PTPRK: variants seen among roughly 807,000 people sequenced by gnomAD.
The protein encoded by PTPRK is receptor-type tyrosine-protein phosphatase kappa.
Under a neutral mutation model 178.0 loss-of-function variants are expected in PTPRK, and 75 were observed. The ratio of observed to expected loss-of-function variants is 0.42; its 90% CI spans 0.35 to 0.51. The LOEUF (loss-of-function observed/expected upper bound fraction) is 0.51, where lower values mean the gene tolerates loss of function less well. PTPRK is among the 20% of genes least tolerant of loss of function. PTPRK has a pLI of 0.02. For synonymous variants in PTPRK, 637 were observed against 620.6 expected (o/e 1.03, Z -0.39); for missense variants, 1,441 against 1,797.8 (o/e 0.80, Z 3.59).
At chr6:128,211,495 C>T (rs1226451318) in intron 6 of PTPRK, among the ~76,000 whole-genome samples, 1 of 152,112 alleles carries the variant, frequency 6.6e-6, no homozygotes, top group African/African-American at 2.4e-5. Context: ...CTATCATAAA[C>T]TTTGAACAAG....
intron 1 of PTPRK, among the ~76,000 whole-genome samples, chr6:128,493,080 C>T (rs554266101): frequency 6.6e-6 from 1 of 152,268 alleles, no homozygotes; most frequent in South Asian, 2.1e-4. Context: ...ACATGGTAGG[C>T]ACTCAACAAT....
chr6:128,384,524 T>C (rs886383686), intron 2 of PTPRK, among the ~76,000 whole-genome samples: 6 of 152,190 alleles, frequency 3.9e-5, no homozygotes, highest in African/African-American at 1.4e-4. Flanking sequence ...AGGCCACATG[T>C]GGCTGGTGGG....
intron 5 of PTPRK, among the ~76,000 whole-genome samples, chr6:128,227,317 A>T (rs142497933): frequency 1.3e-5 from 2 of 152,316 alleles, no homozygotes; most frequent in African/African-American, 4.8e-5. Flanking sequence ...AGACAAATGC[A>T]ATGAAACCAC....
At chr6:128,228,641 C>CAGAGTG (rs1422062560) in intron 5 of PTPRK, among the ~76,000 whole-genome samples, 1 of 132,700 alleles carries the variant, frequency 7.5e-6, no homozygotes, top group African/African-American at 2.9e-5. Context: ...GCTGGGGTGA[C>CAGAGTG]AGAGTGAGAC....
In PTPRK at chr6:127,982,908, C is replaced by T; in HGVS notation, c.3460G>A (p.Glu1154Lys). ...ATATCAAAATATGCAGCTTTAAATT[C>T]ACAGACAGGTATGGCAGTTTCTCCA... is the stretch of plus-strand genomic sequence containing the variant. Reference protein sequence around the residue: ...LCGETAIPVCEFKAAYFDMIR... With the variant: ...LCGETAIPVCKFKAAYFDMIR... The change falls in exon 24 of 30, where the codon GAA (glutamate) becomes AAA (lysine). Residue 1154 changes from glutamate (E) to lysine (K), a missense_variant. Physicochemically the swap from Glu to Lys is moderately conservative, Grantham distance 56 (BLOSUM62 1). Coordinates refer to ENST00000368226, the MANE Select transcript of PTPRK (RefSeq NM_002844.4). The T allele has an allele frequency of 6.2e-7, 1 of 1,612,432 alleles. No homozygotes were observed. Among genetic ancestry groups the T allele is most frequent in the Non-Finnish European group, 8.5e-7 (1 of 1,178,598 alleles).
intron 1 of PTPRK, among the ~76,000 whole-genome samples, chr6:128,502,341 C>T (rs1420899077): frequency 6.6e-6 from 1 of 152,124 alleles, no homozygotes; most frequent in Admixed American, 6.6e-5. Flanking sequence ...GGATTTATTC[C>T]TGAGATTAAG....
intron 1 of PTPRK, among the ~76,000 whole-genome samples, chr6:128,464,935 C>A (rs758919322): frequency 1.3e-5 from 2 of 150,798 alleles, no homozygotes; most frequent in Non-Finnish European, 3.0e-5. Flanking sequence ...AGATTAAAGA[C>A]AATTTGTTCT....
In PTPRK at chr6:128,272,295, T is replaced by C. The variant is rs151162190; in HGVS notation, c.496-29693A>G. ...GGCAATACCATTCAGGACACAGGCA[T>C]GGGCAAGGACCTCATGACTAAAACA... is the stretch of plus-strand genomic sequence containing the variant. On this transcript the variant is annotated intron_variant, in intron 3 of 29. Transcript: ENST00000368226. Among the ~76,000 whole-genome samples the C allele has an allele frequency of 6.3e-3, 956 of 152,230 alleles. 11 individuals are homozygous for C. Among genetic ancestry groups the C allele is most frequent in the African/African-American group, 0.022 (904 of 41,524 alleles).
At chr6:128,420,099 T>C (rs947026596) in intron 1 of PTPRK, among the ~76,000 whole-genome samples, 1 of 152,208 alleles carries the variant, frequency 6.6e-6, no homozygotes, top group African/African-American at 2.4e-5. Flanking sequence ...TCCAAACTTT[T>C]TTCGAGTGTA....
chr6:128,274,075 G>T (rs1820344878), intron 3 of PTPRK, among the ~76,000 whole-genome samples: 1 of 151,086 alleles, frequency 6.6e-6, no homozygotes, highest in South Asian at 2.1e-4. Flanking sequence ...GTTATGCAAG[G>T]TACAGATTTT....
At chr6:128,411,925 T>C (rs1257734160) in intron 1 of PTPRK, among the ~76,000 whole-genome samples, 1 of 152,218 alleles carries the variant, frequency 6.6e-6, no homozygotes, top group Non-Finnish European at 1.5e-5. Context: ...TTTTGAAAAT[T>C]TGCAGTCTCA....
intron 2 of PTPRK, among the ~76,000 whole-genome samples, chr6:128,337,418 G>A (rs2128328944): frequency 6.6e-6 from 1 of 152,276 alleles, no homozygotes; most frequent in Middle Eastern, 3.4e-3. Context: ...TACTGAATAT[G>A]TAAAGTGCTA....
At chr6:128,012,255 T>A (rs572491320) in intron 13 of PTPRK, among the ~76,000 whole-genome samples, 1 of 150,918 alleles carries the variant, frequency 6.6e-6, no homozygotes, top group South Asian at 2.1e-4. Flanking sequence ...GATATTTTAA[T>A]CACATGTATT....
At chr6:128,476,387 G>T (rs547063360) in intron 1 of PTPRK, among the ~76,000 whole-genome samples, 1 of 151,970 alleles carries the variant, frequency 6.6e-6, no homozygotes. Context: ...TTTATTTGTT[G>T]TTGGTTAAAT....
intron 1 of PTPRK, among the ~76,000 whole-genome samples, chr6:128,434,741 G>A (rs946888261): frequency 2.0e-5 from 3 of 152,210 alleles, no homozygotes; most frequent in Admixed American, 6.5e-5. Context: ...TTCAGGAAAG[G>A]AATTTAGCTG....
At chr6:128,093,800 C>T (rs6569524) in intron 7 of PTPRK, among the ~76,000 whole-genome samples, 151,871 of 151,910 alleles carry the variant, frequency 1, 75,916 homozygotes, top group Middle Eastern at 1. Context: ...CTAAGTATTC[C>T]AGAAGGTACT....
intron 7 of PTPRK, among the ~76,000 whole-genome samples, chr6:128,119,877 G>A (rs1264414053): frequency 1.3e-5 from 2 of 151,920 alleles, no homozygotes; most frequent in African/African-American, 4.8e-5. Context: ...TATATACCAG[G>A]CAATTATTTA....
At chr6:128,503,636 T>C (rs2128438816) in intron 1 of PTPRK, among the ~76,000 whole-genome samples, 1 of 152,284 alleles carries the variant, frequency 6.6e-6, no homozygotes. Context: ...GTCATACATA[T>C]TTTGTTAAAT....
At chr6:128,001,705 G>T (rs1227110632) in intron 15 of PTPRK, among the ~76,000 whole-genome samples, 6 of 151,868 alleles carry the variant, frequency 4.0e-5, no homozygotes, top group Non-Finnish European at 7.4e-5. Context: ...CTGTTTTATA[G>T]ATGGGAAAAC....
Sources: gnomAD v4.1 joint callset for allele counts (sites outside exome capture counted in the v4.1 genomes callset) on GRCh38, gnomAD v4.1.1 for gene constraint, MANE v1.5 for transcripts, NCBI Gene and HGNC (gene_info 2026-07-23, HGNC 2026-07-21) for gene names.